Variants in GLYATL1 observed in about 807,000 individuals in gnomAD.
GLYATL1 encodes the protein glycine-N-acyltransferase like 1, also known as glycine N-acyltransferase-like protein 1.
Under a neutral mutation model 20.0 loss-of-function variants are expected in GLYATL1, and 15 were observed. The ratio of observed to expected loss-of-function variants is 0.75; its 90% CI spans 0.50 to 1.15. The LOEUF (loss-of-function observed/expected upper bound fraction) is 1.15, where lower values mean the gene tolerates loss of function less well. GLYATL1 is among the 50% of genes most tolerant of loss of function. GLYATL1 has a pLI of 0.00. For missense variants in GLYATL1, 380 were observed against 368.5 expected, an observed-to-expected ratio of 1.03 and a Z score of -0.26; for synonymous variants, 151 against 131.5, an observed-to-expected ratio of 1.15 and a Z score of -1.01.
intron 1 of GLYATL1, among the ~76,000 whole-genome samples, chr11:58,931,606 C>G (rs1434085852): frequency 4.6e-5 from 7 of 152,008 alleles, no homozygotes; most frequent in Admixed American, 4.6e-4. Context: ...ATGGTAAAAG[C>G]AAACATTTGC....
At chr11:58,954,081 G>C (rs1236627636) in intron 4 of GLYATL1, among the ~76,000 whole-genome samples, 1 of 152,176 alleles carries the variant, frequency 6.6e-6, no homozygotes, top group Non-Finnish European at 1.5e-5. Flanking sequence ...CTGATATCCT[G>C]TAGGCTTGAG....
At chr11:58,954,126 A>G (rs1003163801) in intron 4 of GLYATL1, among the ~76,000 whole-genome samples, 1 of 152,250 alleles carries the variant, frequency 6.6e-6, no homozygotes, top group African/African-American at 2.4e-5. Flanking sequence ...TATATTCACT[A>G]AAGTATCTTG....
chr11:58,950,523 C>T (rs559984591), intron 4 of GLYATL1, among the ~76,000 whole-genome samples: 47 of 152,288 alleles, frequency 3.1e-4, no homozygotes, highest in Non-Finnish European at 4.4e-4. Flanking sequence ...TACAAACAAG[C>T]TTCAATAAAC....
intron 2 of GLYATL1, among the ~76,000 whole-genome samples, chr11:58,945,452 A>G (rs1856499256): frequency 6.6e-6 from 1 of 152,128 alleles, no homozygotes; most frequent in African/African-American, 2.4e-5. Flanking sequence ...GGAGTAGGGA[A>G]TGCACAGGAG....
At chr11:58,954,252 G>A (rs778232661) in intron 4 of GLYATL1, among the ~76,000 whole-genome samples, 57 of 152,182 alleles carry the variant, frequency 3.7e-4, no homozygotes, top group Non-Finnish European at 6.9e-4. Context: ...CCAAGTTTAA[G>A]GACTTAACTC....
chr11:58,937,513 A>G (rs773482202), upstream of GLYATL1, among the ~76,000 whole-genome samples: 8 of 152,214 alleles, frequency 5.3e-5, no homozygotes, highest in African/African-American at 1.4e-4. Flanking sequence ...GAAAAGTACT[A>G]GTACACAGAA....
chr11:58,927,180 TA>T (rs138336635), upstream of GLYATL1, among the ~76,000 whole-genome samples: 5,692 of 152,312 alleles, frequency 0.037, 326 homozygotes, highest in African/African-American at 0.12. Flanking sequence ...GGGCCCTCCT[TA>T]ATCTCTCTCC....
At chr11:58,912,032 G>A (rs573779847), downstream of GLYATL1, among the ~76,000 whole-genome samples, 4 of 152,262 alleles carry the variant, frequency 2.6e-5, no homozygotes, top group Non-Finnish European at 5.9e-5. Context: ...TGTAAATTGT[G>A]TGTTCATTGT....
At chr11:58,938,016 T>C (rs866427117), upstream of GLYATL1, among the ~76,000 whole-genome samples, 15 of 152,290 alleles carry the variant, frequency 9.8e-5, no homozygotes, top group Middle Eastern at 3.4e-3. Flanking sequence ...CTTTGTAGTA[T>C]GAAGTACACC....
intron 4 of GLYATL1, among the ~76,000 whole-genome samples, chr11:58,953,280 A>G (rs1857127543): frequency 1.3e-5 from 2 of 151,512 alleles, no homozygotes. Context: ...GATAACATCC[A>G]TTTCTTTTAT....
intron 1 of GLYATL1, among the ~76,000 whole-genome samples, chr11:58,906,912 A>G (rs572983915): frequency 2.0e-5 from 3 of 152,338 alleles, no homozygotes; most frequent in Admixed American, 6.5e-5. Flanking sequence ...TGCAGATTCC[A>G]TAGCTACACC....
At chr11:58,954,130 T>A (rs1341557848) in intron 4 of GLYATL1, among the ~76,000 whole-genome samples, 1 of 152,248 alleles carries the variant, frequency 6.6e-6, no homozygotes, top group African/African-American at 2.4e-5. Flanking sequence ...TTCACTAAAG[T>A]ATCTTGCTCA....
At chr11:58,943,481 ATTGT>A in intron 1 of GLYATL1, 58 bp from the exon 2 acceptor site, 1 of 1,541,046 alleles carries the variant, frequency 6.5e-7, no homozygotes, top group Non-Finnish European at 8.8e-7. Context: ...GGATTCACAA[ATTGT>A]TTGTTGCTTA....
chr11:58,909,744 C>T (rs1854994024), downstream of GLYATL1, among the ~76,000 whole-genome samples: 1 of 152,094 alleles, frequency 6.6e-6, no homozygotes. Context: ...GTGCCAAGAT[C>T]TCAGAAGGCT....
Position 58,956,114 on chromosome 11 carries a change from C to A in GLYATL1, c.*87C>A. 1 of 1,163,532 alleles carries A rather than the reference C, an allele frequency of 8.6e-7. No homozygotes were observed. The highest frequency in any genetic ancestry group is 1.2e-6 in the Non-Finnish European group (1 of 807,000). The allele number at this position is 1,163,532 out of a possible 1,614,324, so 72.1% of individuals were successfully genotyped here. ...GAATAGATTTCTTCACTTACAAATG[C>A]ATATTGGGCACTTATAATACAGCAG... On this transcript the variant is annotated 3_prime_UTR_variant, in exon 7 of 7. Coordinates refer to ENST00000532726, the MANE Select transcript of GLYATL1 (RefSeq NM_001389712.2).
At chr11:58,925,297 T>A (rs1158839258), upstream of GLYATL1, among the ~76,000 whole-genome samples, 1 of 152,196 alleles carries the variant, frequency 6.6e-6, no homozygotes, top group African/African-American at 2.4e-5. Context: ...CATATAGAAT[T>A]TTTTACAATT....
At chr11:58,912,514 CA>C (rs941710347), downstream of GLYATL1, among the ~76,000 whole-genome samples, 1 of 152,186 alleles carries the variant, frequency 6.6e-6, no homozygotes, top group African/African-American at 2.4e-5. Flanking sequence ...CCTCCCCAGA[CA>C]AAAGCTCTGC....
chr11:58,915,395 T>C (rs896897163), intron 1 of GLYATL1, among the ~76,000 whole-genome samples: 2 of 152,154 alleles, frequency 1.3e-5, no homozygotes, highest in Non-Finnish European at 1.5e-5. Context: ...GCCCCTCTTC[T>C]GGATCCCAGA....
chr11:58,952,235 C>T (rs1175417269), intron 4 of GLYATL1, among the ~76,000 whole-genome samples: 1 of 152,042 alleles, frequency 6.6e-6, no homozygotes, highest in Non-Finnish European at 1.5e-5. Flanking sequence ...TTCTATTTGG[C>T]AATTTATACA....
Sources: allele counts gnomAD v4.1 joint callset (sites outside exome capture counted in the v4.1 genomes callset), GRCh38; gene constraint gnomAD v4.1.1; transcripts MANE v1.5; gene names NCBI Gene and HGNC (gene_info 2026-07-23, HGNC 2026-07-21).